The following ACTN1 variants were observed in gnomAD, a reference collection of about 807,000 sequenced individuals.
The protein encoded by ACTN1 is actinin alpha 1.
Under a neutral mutation model 119.6 loss-of-function variants are expected in ACTN1, and 30 were observed. The ratio of observed to expected loss-of-function variants is 0.25; its 90% confidence interval spans 0.19 to 0.34. ACTN1 has a LOEUF of 0.34. Among genes scored for constraint, ACTN1 ranks in the 10% least tolerant of loss-of-function variants. The pLI, the probability that ACTN1 is intolerant of heterozygous loss-of-function variation, is 1.00. For synonymous variants in ACTN1, 429 were observed against 472.6 expected (o/e 0.91, Z 1.20); for missense variants, 764 against 1,223.4 (o/e 0.62, Z 5.60).
rs773768447 is a variant in ACTN1, at chr14:68,875,033, G to T, written c.2587-16C>A. ...TAATGTAGTTCTGCGAGGAGAGAGT[G>T]GTCAGGAAGGCCGCAAAGTCCAGCA... On this transcript the variant is annotated splice_polypyrimidine_tract_variant and intron_variant, in intron 21 of 21. Transcript: ENST00000394419. 1.4e-5 allele frequency: 22 copies of T among 1,611,620 alleles called. No individual in the cohort carries two copies. The East Asian group carries it at 4.5e-4, about 33-fold the overall frequency.
intron 1 of ACTN1, chr14:68,978,217 C>A (rs1341266160): frequency 2.2e-6 from 1 of 456,294 alleles, no homozygotes; most frequent in Non-Finnish European, 4.4e-6. Context: ...AGCTGCCCAC[C>A]TTTCCCGGGG....
At chr14:68,884,713 G>A in intron 13 of ACTN1, 62 bp downstream of exon 13, 1 of 1,366,754 alleles carries the variant, frequency 7.3e-7, no homozygotes, top group Non-Finnish European at 1.0e-6. Context: ...GAGTCAAGAA[G>A]CAGGAAGGGG....
At chr14:68,899,992 A>G (rs1381876432) in intron 8 of ACTN1, among the ~76,000 whole-genome samples, 7 of 152,008 alleles carry the variant, frequency 4.6e-5, no homozygotes. Flanking sequence ...ACAAAGAGGA[A>G]GCAGAAGGAA....
At chr14:68,944,512 C>T (rs1247090290) in intron 1 of ACTN1, among the ~76,000 whole-genome samples, 1 of 152,204 alleles carries the variant, frequency 6.6e-6, no homozygotes, top group Non-Finnish European at 1.5e-5. Flanking sequence ...AGGCACTGTC[C>T]TAAGTCATGG....
intron 8 of ACTN1, among the ~76,000 whole-genome samples, 199 bp downstream of exon 8, chr14:68,902,278 G>A (rs889351811): frequency 6.6e-6 from 1 of 152,168 alleles, no homozygotes; most frequent in Non-Finnish European, 1.5e-5. Context: ...AACAGTAGAA[G>A]ATGAGAGAGA....
At position 68,909,905 on chromosome 14, in the gene ACTN1, C is replaced by T. The variant is rs185543550; in HGVS notation, c.515+50G>A. The T allele has an allele frequency of 5.8e-5, 91 of 1,555,814 alleles. No individual in the cohort carries two copies. The African/African-American group carries it at 8.8e-4, about 15-fold the overall frequency. ...CCAGCCAAGGGGGTCTGGGAGCTCC[C>T]GGGGGAGGCAGCCTGGTTCTGTGAG... On this transcript the variant is annotated intron_variant, in intron 5 of 21. Transcript: ENST00000394419. The surrounding 1 kb of genome is among the most constrained non-coding windows in gnomAD (Gnocchi z 4.1).
At chr14:68,907,835 G>A (rs1271842207) in intron 6 of ACTN1, among the ~76,000 whole-genome samples, 1 of 152,052 alleles carries the variant, frequency 6.6e-6, no homozygotes, top group East Asian at 1.9e-4. Context: ...ACTGGCCACT[G>A]ACACCCCAGC....
intron 7 of ACTN1, 141 bp from the exon 8 acceptor site, chr14:68,902,703 A>G (rs572568035): frequency 1.5e-6 from 1 of 678,242 alleles, no homozygotes; most frequent in African/African-American, 1.8e-5. Flanking sequence ...CTCTGGCGTC[A>G]ACTTGCGCTT....
In ACTN1 at chr14:68,909,479, G is replaced by A; in HGVS notation, c.516-83C>T. 3.1e-6 allele frequency: 4 copies of A among 1,280,874 alleles called. No homozygotes were observed. The highest frequency in any genetic ancestry group is 1.1e-6 in the Non-Finnish European group (1 of 889,690). 79.3% of individuals were successfully genotyped at this position (1,280,874 alleles called of 1,614,324 possible). A position where few individuals can be genotyped will look rare whatever the true frequency, so the allele number is the denominator to read the frequency against. Reference sequence around the variant, plus strand: ...ACCAGGGCAAAGCAGGGGCCTCCTAGACACCAGAGAGATGAACACATAGAG... The same window carrying A: ...ACCAGGGCAAAGCAGGGGCCTCCTAAACACCAGAGAGATGAACACATAGAG... On this transcript the variant is annotated intron_variant, in intron 5 of 21. Transcript: ENST00000394419. The surrounding 1 kb of genome is among the most constrained non-coding windows in gnomAD (Gnocchi z 4.1).
intron 1 of ACTN1, chr14:68,936,708 G>A (rs551407569): frequency 4.7e-5 from 30 of 637,610 alleles, no homozygotes; most frequent in South Asian, 3.9e-4. Flanking sequence ...GGAGGAAAGG[G>A]GCTTTGACAA....
intron 4 of ACTN1, 55 bp downstream of exon 4, chr14:68,912,101 G>C (rs1196940198): frequency 2.2e-5 from 34 of 1,554,946 alleles, no homozygotes; most frequent in Non-Finnish European, 2.7e-5. Flanking sequence ...TCCAGGCTAA[G>C]CCCAGGGAGG....
chr14:68,952,711 A>T (rs1254802011), intron 1 of ACTN1, among the ~76,000 whole-genome samples: 1 of 151,586 alleles, frequency 6.6e-6, no homozygotes, highest in Admixed American at 6.6e-5. Context: ...CCTTGGCCCT[A>T]AAATTAAACG....
chr14:68,941,013 T>C (rs1023067485), intron 1 of ACTN1, among the ~76,000 whole-genome samples: 3 of 152,144 alleles, frequency 2.0e-5, no homozygotes, highest in Non-Finnish European at 2.9e-5. Context: ...CCCATGGTGG[T>C]TCCGGTCACC....
chr14:68,963,653 G>A (rs2268967), intron 1 of ACTN1, among the ~76,000 whole-genome samples: 44,455 of 152,024 alleles, frequency 0.29, 7,720 homozygotes, highest in East Asian at 0.87. Context: ...CAAACCCTCC[G>A]GTGAGCACCT....
chr14:68,956,788 C>A (rs1205519707), intron 1 of ACTN1, among the ~76,000 whole-genome samples: 1 of 152,110 alleles, frequency 6.6e-6, no homozygotes, highest in Non-Finnish European at 1.5e-5. Context: ...CTCTTGTCTC[C>A]TCAAGTCCCT....
At chr14:68,897,166 G>A (rs926746719) in intron 8 of ACTN1, among the ~76,000 whole-genome samples, 8 of 152,086 alleles carry the variant, frequency 5.3e-5, no homozygotes, top group African/African-American at 1.9e-4. Context: ...TGTATTTTCA[G>A]TAGAGATGGG....
intron 8 of ACTN1, among the ~76,000 whole-genome samples, chr14:68,899,221 AC>A (rs1235874474): frequency 2.5e-5 from 2 of 80,020 alleles, no homozygotes. Flanking sequence ...CACACCACAC[AC>A]CACACCCCAC....
rs1594768518 is a variant in ACTN1, at chr14:68,890,214, G to A, written c.1159C>T (p.Arg387Trp). The A allele has an allele frequency of 3.7e-6, 6 of 1,614,024 alleles. No homozygotes were observed. Among genetic ancestry groups the A allele is most frequent in the Non-Finnish European group, 5.1e-6 (6 of 1,180,022 alleles). ...AGGTGGTCCAGTCGCTCCAGCCTCC[G>A]GATCTCATTCAGCAACCACTCCTCA... Reference protein sequence around the residue: ...GYEEWLLNEIRRLERLDHLAE... With the variant: ...GYEEWLLNEIWRLERLDHLAE... Residue 387 changes from arginine to tryptophan, a missense_variant, in exon 11 of 22, where the codon CGG becomes TGG. Around this residue, in one of 4 missense-constraint regions of ACTN1, gnomAD observed 544 missense variants for 912.0 expected, o/e 0.60. Transcript: ENST00000394419.
In ACTN1 at chr14:68,880,873, G is replaced by C; in HGVS notation, c.2070C>G (p.Gly690=). ...NYKPKIDQLE[G]DHQLIQEALI... ...GCGCCTCCTGGATGAGCTGGTGGTC[G>C]CCCTCCAGCTGATCAATCTTTGGCT... The change falls in exon 17 of 22, where the codon GGC becomes GGG. Residue 690 remains glycine (G), a synonymous_variant. Coordinates refer to ENST00000394419, the MANE Select transcript of ACTN1 (RefSeq NM_001130004.2). This position sits in a 1 kb window ranked among gnomAD's most constrained non-coding sequence, Gnocchi z 4.6. 6.2e-7 allele frequency: 1 copy of C among 1,614,040 alleles called. No homozygotes were observed. Among genetic ancestry groups the C allele is most frequent in the South Asian group, 1.1e-5 (1 of 91,066 alleles).
Sources: allele counts gnomAD v4.1 joint callset (sites outside exome capture counted in the v4.1 genomes callset), GRCh38; gene constraint gnomAD v4.1.1; regional missense constraint gnomAD v4.1.1; non-coding constraint Gnocchi (gnomAD v3.1); transcripts MANE v1.5; gene names NCBI Gene and HGNC (gene_info 2026-07-23, HGNC 2026-07-21).